The following NUP210L variants were observed in gnomAD, a reference collection of about 807,000 sequenced individuals.
NUP210L encodes the protein nuclear pore membrane glycoprotein 210-like.
Under a neutral mutation model 208.5 loss-of-function variants are expected in NUP210L, and 74 were observed. That is an observed-to-expected ratio of 0.35 (90% confidence interval 0.29 to 0.43). The LOEUF is 0.43. Among genes scored for constraint, NUP210L ranks in the 20% least tolerant of loss-of-function variants. The pLI, the probability that NUP210L is intolerant of heterozygous loss-of-function variation, is 1.00. For synonymous variants in NUP210L, 780 were observed against 816.9 expected (o/e 0.95, Z 0.77); for missense variants, 1,843 against 2,289.4 (o/e 0.81, Z 3.98).
At chr1:154,067,522 T>C (rs960413044) in intron 17 of NUP210L, among the ~76,000 whole-genome samples, 1 of 152,214 alleles carries the variant, frequency 6.6e-6, no homozygotes, top group African/African-American at 2.4e-5. Context: ...GTATTCCCTT[T>C]GAAAACTGGC....
Position 154,050,916 on chromosome 1 carries a change from G to C in NUP210L, c.3483+3312C>G, listed in dbSNP as rs990206026. Among the ~76,000 whole-genome samples, 5 of 152,172 alleles carry C rather than the reference G, an allele frequency of 3.3e-5. No individual in the cohort carries two copies. The East Asian group carries it at 7.7e-4, about 23-fold the overall frequency. ...GCCCTATACTTCAGCTCAAAAAGCA[G>C]AGCTTGTAGCTGTAATTGAGGTATT... is the stretch of plus-strand genomic sequence containing the variant. On this transcript the variant is annotated intron_variant, in intron 25 of 39. Transcript: ENST00000368559.
At chr1:154,082,367 G>T (rs549624124) in intron 16 of NUP210L, among the ~76,000 whole-genome samples, 3 of 152,148 alleles carry the variant, frequency 2.0e-5, no homozygotes, top group Admixed American at 6.5e-5. Flanking sequence ...CTATTAAAAA[G>T]ATGTAACAAT....
chr1:154,139,917 G>A, exon 5 of NUP210L: 1 of 1,609,950 alleles, frequency 6.2e-7, no homozygotes, highest in Non-Finnish European at 8.5e-7. Flanking sequence ...TATATATATT[G>A]GGGGAGCATA....
At position 154,017,521 on chromosome 1, in the gene NUP210L, T is replaced by TTC. The variant is rs1393473625; in HGVS notation, c.4653+1411_4653+1412insGA. Among the ~76,000 whole-genome samples the TTC allele has an allele frequency of 4.1e-5, 6 of 144,586 alleles. No homozygotes were observed. The East Asian group carries it at 6.0e-4, about 14-fold the overall frequency. 94.9% of individuals were successfully genotyped at this position (144,586 alleles called of 152,430 possible). On this transcript the variant is annotated intron_variant, in intron 33 of 39. Transcript: ENST00000368559. ...TTTCACTGGTTGTTTCTTTCTTTCT[T>TTC]TTTTTTTTTTTTTTTGAGAGAGTCT... is the stretch of plus-strand genomic sequence containing the variant.
chr1:154,090,274 T>C (rs1655837785), intron 15 of NUP210L, among the ~76,000 whole-genome samples: 1 of 152,130 alleles, frequency 6.6e-6, no homozygotes, highest in South Asian at 2.1e-4. Context: ...CGCCAAATAT[T>C]TTGTTACAAG....
chr1:154,017,043 G>A (rs1651288579), intron 33 of NUP210L, among the ~76,000 whole-genome samples: 1 of 152,110 alleles, frequency 6.6e-6, no homozygotes, highest in Non-Finnish European at 1.5e-5. Context: ...CAATCTGGGA[G>A]GCGGAGGCGA....
intron 21 of NUP210L, 47 bp downstream of exon 21, chr1:154,058,518 G>C: frequency 6.3e-7 from 1 of 1,592,612 alleles, no homozygotes; most frequent in Non-Finnish European, 8.6e-7. Context: ...GCTGGGTAGT[G>C]AGAATAAGTC....
At chr1:153,992,861 G>C (rs753804667) in exon 40 of NUP210L, 1 of 1,613,262 alleles carries the variant, frequency 6.2e-7, no homozygotes, top group Non-Finnish European at 8.5e-7. Context: ...CATAACCAAT[G>C]TTGCAGCCGA....
At chr1:154,054,898 C>A in intron 23 of NUP210L, 66 bp from the exon 24 acceptor site, 5 of 1,149,924 alleles carry the variant, frequency 4.3e-6, no homozygotes, top group South Asian at 2.6e-5. Flanking sequence ...ATATCATGGT[C>A]ATTTAAATTT....
chr1:154,089,460 A>G, exon 16 of NUP210L: 1 of 1,614,054 alleles, frequency 6.2e-7, no homozygotes, highest in Non-Finnish European at 8.5e-7. Flanking sequence ...ATGGCTGGGC[A>G]CCAGCTGGCA....
intron 13 of NUP210L, among the ~76,000 whole-genome samples, chr1:154,103,693 A>G (rs974989079): frequency 6.6e-6 from 1 of 151,004 alleles, no homozygotes; most frequent in Non-Finnish European, 1.5e-5. Context: ...AAAAAAGAAA[A>G]AAAAAAACAA....
chr1:154,017,523 T>TC (rs1293936348), intron 33 of NUP210L, among the ~76,000 whole-genome samples: 1 of 148,126 alleles, frequency 6.8e-6, no homozygotes, highest in East Asian at 2.0e-4. Context: ...TTCTTTCTTT[T>TC]TTTTTTTTTT....
At chr1:154,043,653 A>C (rs12564509) in intron 27 of NUP210L, among the ~76,000 whole-genome samples, 9,405 of 123,600 alleles carry the variant, frequency 0.076, 450 homozygotes, top group East Asian at 0.22. Flanking sequence ...TTGAGATAGA[A>C]TCTCACTTTG....
chr1:154,091,071 GTTATTATTATTATTA>G lies in NUP210L; in HGVS notation c.2188-1492_2188-1478del, dbSNP rs111324293. The stretch of plus-strand genomic sequence containing the variant: ...TGACAGCATTATTATTATTATTGCT[GTTATTATTATTATTA>G]TTATTATTATTATTATTATTATTAT... On this transcript the variant is annotated intron_variant, in intron 15 of 39. Transcript: ENST00000368559. Among the ~76,000 whole-genome samples the G allele has an allele frequency of 5.4e-3, 754 of 140,818 alleles. 4 individuals are homozygous for G. Among genetic ancestry groups the G allele is most frequent in the East Asian group, 9.4e-3 (46 of 4,870 alleles). 92.4% of individuals were successfully genotyped at this position (140,818 alleles called of 152,430 possible). A position where few individuals can be genotyped will look rare whatever the true frequency, so the allele number is the denominator to read the frequency against.
intron 14 of NUP210L, among the ~76,000 whole-genome samples, chr1:154,099,346 T>C (rs1206049207): frequency 1.3e-5 from 2 of 152,134 alleles, no homozygotes; most frequent in Non-Finnish European, 2.9e-5. Context: ...GTGGGGCTCC[T>C]GGGGCTCCCA....
exon 31 of NUP210L, chr1:154,023,192 C>G: frequency 6.2e-7 from 1 of 1,613,934 alleles, no homozygotes; most frequent in Non-Finnish European, 8.5e-7. Flanking sequence ...TAAAACTGAA[C>G]AGTGAAGGTA....
intron 16 of NUP210L, among the ~76,000 whole-genome samples, chr1:154,084,213 AT>A (rs757068435): frequency 0.016 from 1,993 of 124,702 alleles, 36 homozygotes; most frequent in African/African-American, 0.047. Flanking sequence ...CTAATTTTTA[AT>A]TTTTTTTTTT....
At chr1:154,103,091 T>A (rs1039229612) in intron 13 of NUP210L, among the ~76,000 whole-genome samples, 1 of 150,850 alleles carries the variant, frequency 6.6e-6, no homozygotes, top group Non-Finnish European at 1.5e-5. Context: ...ATAATAATAA[T>A]AATAATAATA....
chr1:153,995,656 C>T (rs376057354), intron 37 of NUP210L: 170 of 1,320,054 alleles, frequency 1.3e-4, no homozygotes, highest in Non-Finnish European at 1.6e-4. Flanking sequence ...GACATACCAA[C>T]GTAGGCTTTC....
Sources: allele counts gnomAD v4.1 joint callset (sites outside exome capture counted in the v4.1 genomes callset), GRCh38; gene constraint gnomAD v4.1.1; transcripts MANE v1.5; gene names NCBI Gene and HGNC (gene_info 2026-07-23, HGNC 2026-07-21).